Variants in RERE observed in about 807,000 individuals in gnomAD.
RERE encodes arginine-glutamic acid dipeptide repeats.
A neutral mutation model predicts 146.1 loss-of-function variants in RERE; 40 were observed. The ratio of observed to expected loss-of-function variants is 0.27; its 90% CI spans 0.21 to 0.36. The LOEUF (loss-of-function observed/expected upper bound fraction) is 0.36, where lower values mean the gene tolerates loss of function less well. Ranked by LOEUF, RERE falls within the 10% of genes least tolerant of loss-of-function variation. RERE has a pLI of 1.00. For synonymous variants in RERE, 1,003 were observed against 866.0 expected, an observed-to-expected ratio of 1.16 and a Z score of -2.78; for missense variants, 1,933 against 2,138.7, an observed-to-expected ratio of 0.90 and a Z score of 1.90.
chr1:8,609,353 T>C (rs796895431), intron 4 of RERE, among the ~76,000 whole-genome samples: 14 of 152,290 alleles, frequency 9.2e-5, no homozygotes, highest in East Asian at 5.8e-4. Flanking sequence ...CTTGGCATTA[T>C]AGGTCAGCTG....
chr1:8,498,958 A>T (rs1645091173), intron 8 of RERE, among the ~76,000 whole-genome samples: 1 of 152,132 alleles, frequency 6.6e-6, no homozygotes. Flanking sequence ...CATAGAGTAT[A>T]CCTCAATAAA....
intron 7 of RERE, among the ~76,000 whole-genome samples, chr1:8,516,744 T>TA (rs1645425039): frequency 6.6e-6 from 1 of 152,226 alleles, no homozygotes; most frequent in South Asian, 2.1e-4. Context: ...TGAGAATCCA[T>TA]ATCCCTTTCC....
chr1:8,541,661 T>A (rs1379903210), intron 6 of RERE, among the ~76,000 whole-genome samples: 1 of 152,108 alleles, frequency 6.6e-6, no homozygotes, highest in African/African-American at 2.4e-5. Flanking sequence ...TTTAAAGCCT[T>A]TCTAAATCAT....
chr1:8,417,384 G>A (rs7555985), intron 12 of RERE, among the ~76,000 whole-genome samples: 4,596 of 152,276 alleles, frequency 0.03, 246 homozygotes, highest in African/African-American at 0.11. Flanking sequence ...TCCCAGAAAT[G>A]TGGCTAAGAA....
At chr1:8,422,591 G>T in intron 12 of RERE, 136 bp downstream of exon 12, 1 of 625,580 alleles carries the variant, frequency 1.6e-6, no homozygotes. Flanking sequence ...GGAGTAAAAC[G>T]GAGAGAATTC....
intron 2 of RERE, among the ~76,000 whole-genome samples, chr1:8,635,987 T>TTTATC (rs1557448330): frequency 6.8e-6 from 1 of 148,128 alleles, no homozygotes; most frequent in East Asian, 2.0e-4. Context: ...CTTATTTTAT[T>TTTATC]TTATTTTATT....
chr1:8,387,926 T>C (rs1214548882), intron 12 of RERE, among the ~76,000 whole-genome samples: 3 of 152,202 alleles, frequency 2.0e-5, no homozygotes, highest in Non-Finnish European at 1.5e-5. Flanking sequence ...AGAATTCGTG[T>C]GCATGTGTGC....
At chr1:8,565,573 G>A (rs905174158) in intron 4 of RERE, among the ~76,000 whole-genome samples, 1 of 152,090 alleles carries the variant, frequency 6.6e-6, no homozygotes, top group Non-Finnish European at 1.5e-5. Context: ...TGGGTGTGGT[G>A]GTGGGTGCCT....
intron 12 of RERE, among the ~76,000 whole-genome samples, chr1:8,414,849 G>GA (rs148382972): frequency 2.2e-4 from 33 of 149,324 alleles, no homozygotes; most frequent in African/African-American, 7.1e-4. Context: ...TACATGACAG[G>GA]AAAAAAAAAA....
At chr1:8,442,708 G>A (rs184209344) in intron 11 of RERE, among the ~76,000 whole-genome samples, 44 of 152,290 alleles carry the variant, frequency 2.9e-4, no homozygotes, top group Middle Eastern at 3.4e-3. Context: ...GCTTTGCAAC[G>A]GGGTAATGGA....
intron 1 of RERE, among the ~76,000 whole-genome samples, chr1:8,717,116 G>A (rs1394701033): frequency 6.6e-6 from 1 of 152,280 alleles, no homozygotes; most frequent in Non-Finnish European, 1.5e-5. Flanking sequence ...GTAGGTGAAA[G>A]TACAAATAGA....
chr1:8,364,619 G>T lies in RERE; in HGVS notation c.1540+127C>A. On this transcript the variant is annotated intron_variant, in intron 14 of 22. Coordinates refer to ENST00000400908, the MANE Select transcript of RERE (RefSeq NM_001042681.2). The surrounding 1 kb of genome is among the most constrained non-coding windows in gnomAD (Gnocchi z 5.1). ...AACATTTCTAACTTTCTCGAATCCC[G>T]AAGCACAATGCAAATGTCAAATCAA... 1 of 717,228 alleles carries T rather than the reference G, an allele frequency of 1.4e-6. No individual in the cohort carries two copies. Among genetic ancestry groups the T allele is most frequent in the Non-Finnish European group, 2.5e-6 (1 of 405,800 alleles). 44.4% of individuals were successfully genotyped at this position (717,228 alleles called of 1,614,324 possible). A position where few individuals can be genotyped will look rare whatever the true frequency, so the allele number is the denominator to read the frequency against.
chr1:8,484,928 T>C (rs1218751254), intron 10 of RERE, among the ~76,000 whole-genome samples: 1 of 152,200 alleles, frequency 6.6e-6, no homozygotes. Context: ...GAAATGCATG[T>C]TAACATAAAT....
chr1:8,608,879 T>C (rs1412871584), intron 4 of RERE, among the ~76,000 whole-genome samples: 2 of 152,162 alleles, frequency 1.3e-5, no homozygotes, highest in South Asian at 4.1e-4. Flanking sequence ...TGAGGTCAGT[T>C]TGAGACCAGC....
chr1:8,634,356 C>G (rs934007143), intron 2 of RERE, among the ~76,000 whole-genome samples: 4 of 152,206 alleles, frequency 2.6e-5, no homozygotes, highest in African/African-American at 9.6e-5. Flanking sequence ...GGGCTAAAAT[C>G]CTTTCTACTT....
At chr1:8,469,893 C>T (rs1194145030) in intron 10 of RERE, among the ~76,000 whole-genome samples, 1 of 152,152 alleles carries the variant, frequency 6.6e-6, no homozygotes, top group East Asian at 1.9e-4. Context: ...GCACAATGCC[C>T]CTCAGCTGAA....
At chr1:8,616,211 T>C (rs1646851051) in intron 3 of RERE, among the ~76,000 whole-genome samples, 1 of 152,224 alleles carries the variant, frequency 6.6e-6, no homozygotes, top group African/African-American at 2.4e-5. Flanking sequence ...AAACACCTGG[T>C]AAAGCATTTC....
chr1:8,397,732 C>CA (rs1371297069), intron 12 of RERE, among the ~76,000 whole-genome samples: 2 of 152,300 alleles, frequency 1.3e-5, no homozygotes, highest in South Asian at 2.1e-4. Flanking sequence ...CCCCCATATG[C>CA]AGTAAGTTCC....
chr1:8,751,273 A>G (rs1027490002), intron 1 of RERE, among the ~76,000 whole-genome samples: 11 of 152,174 alleles, frequency 7.2e-5, no homozygotes, highest in Non-Finnish European at 1.6e-4. Context: ...CTGCTACTGG[A>G]AAAAACACTT....
Sources: allele counts gnomAD v4.1 joint callset (sites outside exome capture counted in the v4.1 genomes callset), GRCh38; gene constraint gnomAD v4.1.1; non-coding constraint Gnocchi (gnomAD v3.1); transcripts MANE v1.5; gene names NCBI Gene and HGNC (gene_info 2026-07-23, HGNC 2026-07-21).